The following SAMD5 variants were observed in gnomAD, a reference collection of about 807,000 sequenced individuals.
The protein encoded by SAMD5 is sterile alpha motif domain-containing protein 5.
In SAMD5, 13 loss-of-function variants were observed where a neutral mutation model predicts 11.3. That is an observed-to-expected ratio of 1.15 (90% CI 0.75 to 1.83). The LOEUF is 1.83. Among genes scored for constraint, SAMD5 ranks in the 40% most tolerant of loss-of-function variants. The probability of loss-of-function intolerance (pLI) is 0.00; values close to 1 mark genes in which losing one functional copy is unlikely to be tolerated. For missense variants in SAMD5, 255 were observed against 239.1 expected (o/e 1.07, Z -0.44); for synonymous variants, 129 against 111.3 (o/e 1.16, Z -1.00).
the SAMD5 span, among the ~76,000 whole-genome samples, chr6:147,886,657 C>G: frequency 1.3e-5 from 2 of 152,146 alleles, no homozygotes; most frequent in Non-Finnish European, 2.9e-5. Context: ...CTCCTACTGG[C>G]CTTGAGGAAG....
At chr6:147,586,399 T>A (rs1789374434) in intron 1 of SAMD5, among the ~76,000 whole-genome samples, 1 of 152,114 alleles carries the variant, frequency 6.6e-6, no homozygotes, top group Admixed American at 6.5e-5. Flanking sequence ...TTACGAAATT[T>A]TACCCTTAGG....
At chr6:147,696,041 A>G (rs1030122073) in intron 1 of SAMD5, among the ~76,000 whole-genome samples, 1 of 152,126 alleles carries the variant, frequency 6.6e-6, no homozygotes, top group Admixed American at 6.5e-5. Context: ...AAGGATGACT[A>G]GACGGTTCAT....
chr6:147,610,627 A>G (rs1789769353), intron 1 of SAMD5, among the ~76,000 whole-genome samples: 1 of 152,210 alleles, frequency 6.6e-6, no homozygotes, highest in African/African-American at 2.4e-5. Flanking sequence ...TCTTTTAATC[A>G]GACCTGCACA....
chr6:147,859,966 T>A, the SAMD5 span, among the ~76,000 whole-genome samples: 1 of 152,196 alleles, frequency 6.6e-6, no homozygotes, highest in African/African-American at 2.4e-5. Context: ...TCAAACTTGT[T>A]TTAAAATATT....
chr6:147,541,432 C>G (rs1419942652), intron 1 of SAMD5, among the ~76,000 whole-genome samples: 1 of 152,176 alleles, frequency 6.6e-6, no homozygotes, highest in African/African-American at 2.4e-5. Flanking sequence ...AAGTATTAAC[C>G]TGGCAAAGCT....
At chr6:147,604,891 T>G (rs1241930718) in intron 1 of SAMD5, among the ~76,000 whole-genome samples, 2 of 152,128 alleles carry the variant, frequency 1.3e-5, no homozygotes, top group East Asian at 1.9e-4. Context: ...TTTTAAAAAT[T>G]TAATAAAAAA....
chr6:147,719,946 A>T (rs140706040), intron 1 of SAMD5, among the ~76,000 whole-genome samples: 2 of 152,330 alleles, frequency 1.3e-5, no homozygotes, highest in East Asian at 3.9e-4. Context: ...TGAACTCTTG[A>T]CACTCTTGCA....
intron 1 of SAMD5, among the ~76,000 whole-genome samples, chr6:147,515,431 ACCATCCAT>A (rs58973849): frequency 0.027 from 4,038 of 148,744 alleles, 114 homozygotes; most frequent in African/African-American, 0.08. Context: ...CTTCCATCCA[ACCATCCAT>A]CCATCCATCC....
At chr6:147,612,183 C>T (rs572659236) in intron 1 of SAMD5, among the ~76,000 whole-genome samples, 10 of 152,192 alleles carry the variant, frequency 6.6e-5, no homozygotes, top group African/African-American at 2.4e-4. Context: ...ACCCATCTCT[C>T]GTCATGATGG....
chr6:147,940,112 G>C, the SAMD5 span, among the ~76,000 whole-genome samples: 2 of 152,028 alleles, frequency 1.3e-5, no homozygotes, highest in South Asian at 4.1e-4. Flanking sequence ...TTTTCTGTGG[G>C]TAAAGTATAT....
chr6:147,864,922 C>A, the SAMD5 span, among the ~76,000 whole-genome samples: 1 of 152,050 alleles, frequency 6.6e-6, no homozygotes, highest in Non-Finnish European at 1.5e-5. Flanking sequence ...CATTCTGGAG[C>A]CAAAAAGTTG....
the SAMD5 span, among the ~76,000 whole-genome samples, chr6:147,888,548 G>A: frequency 1.3e-5 from 2 of 149,870 alleles, no homozygotes; most frequent in African/African-American, 5.0e-5. Context: ...ACTTATTTTT[G>A]TTCATTGGTA....
At chr6:147,944,177 A>G in the SAMD5 span, among the ~76,000 whole-genome samples, 2 of 151,982 alleles carry the variant, frequency 1.3e-5, no homozygotes, top group South Asian at 2.1e-4. Flanking sequence ...ACACACATAC[A>G]TCTCCTCCCC....
chr6:147,905,337 A>G, the SAMD5 span, among the ~76,000 whole-genome samples: 1 of 151,920 alleles, frequency 6.6e-6, no homozygotes, highest in Admixed American at 6.6e-5. Flanking sequence ...GTGTGCCACC[A>G]TGCCCGGCTA....
the SAMD5 span, among the ~76,000 whole-genome samples, chr6:147,758,498 T>C: frequency 6.6e-6 from 1 of 152,228 alleles, no homozygotes; most frequent in Admixed American, 6.5e-5. Flanking sequence ...TGTCTGCCCA[T>C]CCTATCAGTG....
At chr6:147,795,187 G>A in the SAMD5 span, among the ~76,000 whole-genome samples, 1 of 142,872 alleles carries the variant, frequency 7.0e-6, no homozygotes, top group South Asian at 2.4e-4. Flanking sequence ...CTAGCATTAG[G>A]TATATCTCCC....
chr6:147,608,381 G>A (rs1483601732), intron 1 of SAMD5, among the ~76,000 whole-genome samples: 2 of 152,106 alleles, frequency 1.3e-5, no homozygotes, highest in African/African-American at 4.8e-5. Context: ...TAAGACTTGG[G>A]AGCAACCTAA....
At chr6:147,914,712 G>A in the SAMD5 span, among the ~76,000 whole-genome samples, 1 of 152,106 alleles carries the variant, frequency 6.6e-6, no homozygotes, top group African/African-American at 2.4e-5. Context: ...TTACTTGCAA[G>A]GGGAAAAACA....
the SAMD5 span, among the ~76,000 whole-genome samples, chr6:147,897,205 C>T: frequency 2.6e-5 from 4 of 152,022 alleles, no homozygotes; most frequent in Non-Finnish European, 5.9e-5. Flanking sequence ...ATCTTATAGC[C>T]CCAGCTTTAC....
Sources: gnomAD v4.1 joint callset for allele counts (sites outside exome capture counted in the v4.1 genomes callset) on GRCh38, gnomAD v4.1.1 for gene constraint, MANE v1.5 for transcripts, NCBI Gene and HGNC (gene_info 2026-07-23, HGNC 2026-07-21) for gene names.